The following FRMPD2 variants were observed in gnomAD, a reference collection of about 807,000 sequenced individuals.
The protein encoded by FRMPD2 is FERM and PDZ domain-containing protein 2.
Under a neutral mutation model 140.1 loss-of-function variants are expected in FRMPD2, and 96 were observed. The observed-to-expected ratio is 0.69, with a 90% CI of 0.58 to 0.81. The LOEUF is 0.81. FRMPD2 is among the 40% of genes least tolerant of loss of function. The probability of loss-of-function intolerance (pLI) is 0.00; values close to 1 mark genes in which losing one functional copy is unlikely to be tolerated. For missense variants in FRMPD2, 1,240 were observed against 1,447.4 expected (o/e 0.86, Z 2.32); for synonymous variants, 449 against 547.6 (o/e 0.82, Z 2.52).
chr10:48,239,057 C>T (rs2131941714), intron 7 of FRMPD2, among the ~76,000 whole-genome samples: 1 of 152,322 alleles, frequency 6.6e-6, no homozygotes, highest in African/African-American at 2.4e-5. Context: ...CTGCCATTGT[C>T]ACGAGAACAA....
In FRMPD2 at chr10:48,249,191, CAGTGATGGGGCTGTAG is replaced by C; in HGVS notation, c.152-29_152-14del. On this transcript the variant is annotated splice_polypyrimidine_tract_variant and intron_variant, in intron 2 of 28. Transcript: ENST00000374201. ...TAGTCCGAGGAATCTGAAACCAAGC[CAGTGATGGGGCTGTAG>C]AGACAGAGCTTCCATCTGGGGTGCC... is the stretch of plus-strand genomic sequence containing the variant. 1 of 1,612,768 alleles carries C rather than the reference CAGTGATGGGGCTGTAG, an allele frequency of 6.2e-7. No individual in the cohort carries two copies. The highest frequency in any genetic ancestry group is 8.5e-7 in the Non-Finnish European group (1 of 1,179,194).
chr10:48,247,014 G>A (rs74882352), intron 3 of FRMPD2, among the ~76,000 whole-genome samples: 2,126 of 152,190 alleles, frequency 0.014, 49 homozygotes, highest in African/African-American at 0.047. Context: ...TGGTTAGTTC[G>A]GAGCTCAGTC....
chr10:48,270,214 C>G (rs970236271), intron 1 of FRMPD2, among the ~76,000 whole-genome samples: 1 of 152,134 alleles, frequency 6.6e-6, no homozygotes. Flanking sequence ...GACGTGGTCT[C>G]GAGGCCCATT....
intron 3 of FRMPD2, among the ~76,000 whole-genome samples, chr10:48,246,188 G>A (rs752210854): frequency 2.0e-5 from 3 of 152,184 alleles, no homozygotes; most frequent in Non-Finnish European, 4.4e-5. Flanking sequence ...ACCAATTGCA[G>A]TGACTGCCAC....
intron 16 of FRMPD2, among the ~76,000 whole-genome samples, chr10:48,190,553 C>T (rs1006085083): frequency 1.3e-5 from 2 of 152,184 alleles, no homozygotes; most frequent in African/African-American, 4.8e-5. Flanking sequence ...GCATCACCTC[C>T]ACAAAAACAT....
chr10:48,170,375 G>A (rs570574551), intron 26 of FRMPD2, among the ~76,000 whole-genome samples: 1 of 152,262 alleles, frequency 6.6e-6, no homozygotes, highest in Admixed American at 6.5e-5. Flanking sequence ...CATTCCTGGG[G>A]TGGAATAACT....
chr10:48,202,007 A>G (rs746096380), intron 14 of FRMPD2, among the ~76,000 whole-genome samples: 1 of 152,052 alleles, frequency 6.6e-6, no homozygotes, highest in Non-Finnish European at 1.5e-5. Context: ...GCTTCCCCAC[A>G]TTATACCTTC....
chr10:48,162,771 T>TA (rs1239816794), intron 28 of FRMPD2, among the ~76,000 whole-genome samples: 2 of 136,880 alleles, frequency 1.5e-5, no homozygotes, highest in African/African-American at 2.8e-5. Flanking sequence ...GTCTTGAAGA[T>TA]ATAGATGTGT....
Position 48,172,907 on chromosome 10 carries a change from A to G in FRMPD2, c.3223+39T>C. ...TGACAATTCAAAAGCGGCACACAAT[A>G]ACATGACAATAGTAACACTCAATTC... On this transcript the variant is annotated intron_variant, in intron 25 of 28. Coordinates refer to ENST00000374201, the MANE Select transcript of FRMPD2 (RefSeq NM_001018071.4). The G allele has an allele frequency of 7.5e-6, 7 of 938,098 alleles. 1 individual carries two copies. The highest frequency in any genetic ancestry group is 2.0e-5 in the Admixed American group (1 of 49,166). 58.1% of individuals were successfully genotyped at this position (938,098 alleles called of 1,614,324 possible).
At chr10:48,210,506 T>C (rs1477992497) in intron 13 of FRMPD2, among the ~76,000 whole-genome samples, 2 of 152,206 alleles carry the variant, frequency 1.3e-5, no homozygotes, top group East Asian at 3.8e-4. Flanking sequence ...GAAGGTAGCG[T>C]CCATCCTGCA....
chr10:48,274,724 C>A (rs997791343), upstream of FRMPD2: 7 of 679,154 alleles, frequency 1.0e-5, no homozygotes, highest in Non-Finnish European at 1.8e-5. Flanking sequence ...TGCTGCCCAG[C>A]GAGTGAGTCA....
At chr10:48,247,365 A>G (rs917609789) in intron 3 of FRMPD2, among the ~76,000 whole-genome samples, 3 of 152,238 alleles carry the variant, frequency 2.0e-5, no homozygotes, top group African/African-American at 7.2e-5. Flanking sequence ...GCCTGAGGCA[A>G]GGGTTAAGTG....
In FRMPD2 at chr10:48,184,798, C is replaced by G; in HGVS notation, c.2443G>C (p.Glu815Gln). Reference sequence around the variant, plus strand: ...CCTGGTTTGATCGTTTTTGCTTTTTCTGCTGGTCCTCCAGGTATAATAGAA... The same window carrying G: ...CCTGGTTTGATCGTTTTTGCTTTTTGTGCTGGTCCTCCAGGTATAATAGAA... The part of the protein sequence containing the change: ...ISSIIPGGPA[E>Q]KAKTIKPGGQ... Residue 815 changes from glutamate to glutamine, a missense_variant, in exon 19 of 29, where the codon GAA becomes CAA. Glu to Gln is a conservative substitution (Grantham distance 29). This residue lies in a region of FRMPD2 where 1,161 missense variants were observed against 1,055.9 expected (regional missense o/e 1.10). Coordinates refer to ENST00000374201, the MANE Select transcript of FRMPD2 (RefSeq NM_001018071.4). The G allele has an allele frequency of 6.2e-7, 1 of 1,613,070 alleles. No homozygotes were observed. The highest frequency in any genetic ancestry group is 8.5e-7 in the Non-Finnish European group (1 of 1,179,688).
At chr10:48,254,622 A>C (rs541051307) in intron 1 of FRMPD2, among the ~76,000 whole-genome samples, 1 of 152,348 alleles carries the variant, frequency 6.6e-6, no homozygotes, top group East Asian at 1.9e-4. Context: ...CTTGAACGAC[A>C]ATACACTTCC....
Position 48,232,240 on chromosome 10 carries a change from A to G in FRMPD2, c.1043T>C (p.Leu348Pro). ...YLALRDLCVVLLNGQHLEVKC... is the reference protein window; with the variant it reads ...YLALRDLCVVPLNGQHLEVKC... ...TACCTCCAGGTGCTGCCCGTTCAGC[A>G]GGACCACACAGAGGTCCCTGAGAGC... The change falls in exon 10 of 29, where the codon CTG (leucine) becomes CCG (proline). Residue 348 changes from leucine (L) to proline (P), a missense_variant. By Grantham distance (98) the Leu-to-Pro change is moderately conservative (BLOSUM62 -3). Transcript: ENST00000374201. 1 of 1,614,188 alleles carries G rather than the reference A, an allele frequency of 6.2e-7. No homozygotes were observed. Among genetic ancestry groups the G allele is most frequent in the African/African-American group, 1.3e-5 (1 of 75,066 alleles).
chr10:48,177,648 T>C (rs2132416335), intron 22 of FRMPD2: 1 of 185,372 alleles, frequency 5.4e-6, no homozygotes, highest in East Asian at 1.1e-4. Flanking sequence ...ACTGATTCTA[T>C]GCTGGATGAC....
intron 12 of FRMPD2, among the ~76,000 whole-genome samples, chr10:48,218,431 C>T (rs1354902955): frequency 6.6e-6 from 1 of 152,220 alleles, no homozygotes; most frequent in Non-Finnish European, 1.5e-5. Flanking sequence ...TTTCTGGCCA[C>T]ATGTGACTAT....
At chr10:48,266,990 G>A (rs981793759) in intron 1 of FRMPD2, among the ~76,000 whole-genome samples, 6 of 152,042 alleles carry the variant, frequency 3.9e-5, no homozygotes, top group African/African-American at 1.5e-4. Flanking sequence ...ATGCCCTCAA[G>A]GTTATCAAGA....
At chr10:48,230,980 C>T (rs1255827059) in intron 10 of FRMPD2, among the ~76,000 whole-genome samples, 1 of 151,996 alleles carries the variant, frequency 6.6e-6, no homozygotes, top group African/African-American at 2.4e-5. Context: ...TCCAGACAGA[C>T]TTAGCCTCAG....
Sources: gnomAD v4.1 joint callset for allele counts (sites outside exome capture counted in the v4.1 genomes callset) on GRCh38, gnomAD v4.1.1 for gene constraint, gnomAD v4.1.1 regional missense constraint, MANE v1.5 for transcripts, NCBI Gene and HGNC (gene_info 2026-07-23, HGNC 2026-07-21) for gene names.